RALGPS2: variants seen among roughly 807,000 people sequenced by gnomAD.
RALGPS2 encodes Ral GEF with PH domain and SH3 binding motif 2.
A neutral mutation model predicts 86.8 loss-of-function variants in RALGPS2; 43 were observed. The observed-to-expected ratio is 0.50, with a 90% CI of 0.39 to 0.64. The LOEUF is 0.64. RALGPS2 is among the 30% of genes least tolerant of loss of function. RALGPS2 has a pLI of 0.00. For synonymous variants in RALGPS2, 243 were observed against 231.3 expected, an observed-to-expected ratio of 1.05 and a Z score of -0.46; for missense variants, 536 against 694.6, an observed-to-expected ratio of 0.77 and a Z score of 2.57.
chr1:178,767,883 G>T (rs1434925259), intron 1 of RALGPS2, among the ~76,000 whole-genome samples: 2 of 152,134 alleles, frequency 1.3e-5, no homozygotes, highest in Non-Finnish European at 2.9e-5. Context: ...CTGCCATCTA[G>T]GTGCTTTCTA....
intron 13 of RALGPS2, among the ~76,000 whole-genome samples, chr1:178,888,129 G>A (rs1386998646): frequency 1.3e-5 from 2 of 152,030 alleles, no homozygotes; most frequent in African/African-American, 4.8e-5. Flanking sequence ...CTCTTTTAGA[G>A]CAGATTTTTG....
chr1:178,754,620 CT>C (rs1651858576), intron 1 of RALGPS2, among the ~76,000 whole-genome samples: 1 of 152,208 alleles, frequency 6.6e-6, no homozygotes, highest in Admixed American at 6.5e-5. Flanking sequence ...GGCAATCTGC[CT>C]TACTCAGTCT....
At position 178,877,502 on chromosome 1, in the gene RALGPS2, C is replaced by T. The variant is rs1205705538; in HGVS notation, c.612C>T (p.Ile204=). Residue 204 remains isoleucine, a synonymous_variant, in exon 9 of 20, where the codon ATC becomes ATT. Coordinates refer to ENST00000367635, the MANE Select transcript of RALGPS2 (RefSeq NM_152663.5). ...ATTTATCTAATTGTATTTCAGGTAT[C>T]TATTTGTCAGATTTAACATACATCG... ...KMTPCIPYLG[I]YLSDLTYIDS... The T allele has an allele frequency of 6.2e-7, 1 of 1,613,064 alleles. No individual in the cohort carries two copies. The highest frequency in any genetic ancestry group is 8.5e-7 in the Non-Finnish European group (1 of 1,179,428).
At chr1:178,835,217 T>C (rs1247633640) in intron 8 of RALGPS2, among the ~76,000 whole-genome samples, 3 of 152,170 alleles carry the variant, frequency 2.0e-5, no homozygotes, top group African/African-American at 7.2e-5. Flanking sequence ...ATGAAGAACA[T>C]TAGACTGAGA....
intron 8 of RALGPS2, chr1:178,853,004 A>G: frequency 6.5e-7 from 1 of 1,546,204 alleles, no homozygotes. Flanking sequence ...AGAGATAGTA[A>G]ACATTTTTAC....
chr1:178,875,808 T>A (rs1572440128), intron 8 of RALGPS2, among the ~76,000 whole-genome samples: 1 of 151,156 alleles, frequency 6.6e-6, no homozygotes, highest in Admixed American at 6.6e-5. Context: ...CCAGTAGGGG[T>A]GAATGATAGT....
chr1:178,849,069 T>C (rs1657016444), intron 8 of RALGPS2, among the ~76,000 whole-genome samples: 1 of 152,256 alleles, frequency 6.6e-6, no homozygotes, highest in Non-Finnish European at 1.5e-5. Context: ...AGCATTATTC[T>C]TAATGTTTTA....
At chr1:178,883,201 C>T (rs757187731) in intron 10 of RALGPS2, among the ~76,000 whole-genome samples, 1 of 152,064 alleles carries the variant, frequency 6.6e-6, no homozygotes, top group Middle Eastern at 3.4e-3. Flanking sequence ...TAAAAATTGC[C>T]CTTGGCCAGG....
intron 1 of RALGPS2, among the ~76,000 whole-genome samples, chr1:178,756,962 T>C (rs1462894449): frequency 6.6e-6 from 1 of 152,198 alleles, no homozygotes; most frequent in African/African-American, 2.4e-5. Context: ...TCATATGTGA[T>C]TTCTTTCAGC....
At chr1:178,811,467 A>T in intron 6 of RALGPS2, 63 bp downstream of exon 6, 3 of 1,122,712 alleles carry the variant, frequency 2.7e-6, no homozygotes, top group Non-Finnish European at 3.8e-6. Context: ...TAAGTGAATA[A>T]ATATTCGTGA....
At chr1:178,811,222 C>A (rs2102201784) in intron 5 of RALGPS2, 93 bp from the exon 6 acceptor site, 2 of 834,728 alleles carry the variant, frequency 2.4e-6, no homozygotes, top group Non-Finnish European at 3.6e-6. Context: ...AATTTTAGAG[C>A]TTACCTAATT....
At chr1:178,748,058 T>G (rs1651438295) in intron 1 of RALGPS2, among the ~76,000 whole-genome samples, 1 of 152,184 alleles carries the variant, frequency 6.6e-6, no homozygotes, top group Non-Finnish European at 1.5e-5. Flanking sequence ...AACGTCTCAC[T>G]TCTGTAATCC....
At chr1:178,886,876 C>T (rs935453126) in intron 13 of RALGPS2, among the ~76,000 whole-genome samples, 1 of 151,992 alleles carries the variant, frequency 6.6e-6, no homozygotes, top group African/African-American at 2.4e-5. Context: ...AACAAGAGAG[C>T]TAAGATGAGA....
chr1:178,915,073 A>C (rs1336368388), intron 19 of RALGPS2, among the ~76,000 whole-genome samples: 2 of 152,236 alleles, frequency 1.3e-5, no homozygotes, highest in Non-Finnish European at 2.9e-5. Flanking sequence ...AGACGTGTAT[A>C]AATATTTGTT....
chr1:178,878,260 G>A (rs1659082156), intron 9 of RALGPS2, among the ~76,000 whole-genome samples: 1 of 152,024 alleles, frequency 6.6e-6, no homozygotes, highest in Non-Finnish European at 1.5e-5. Flanking sequence ...AGTTTGATAG[G>A]AAATAAAGTT....
At chr1:178,774,243 C>T (rs2102097889) in intron 1 of RALGPS2, among the ~76,000 whole-genome samples, 1 of 152,080 alleles carries the variant, frequency 6.6e-6, no homozygotes, top group African/African-American at 2.4e-5. Context: ...CCATTGCATG[C>T]CAGCCTGGGC....
chr1:178,910,273 G>T (rs1041108120), intron 19 of RALGPS2, among the ~76,000 whole-genome samples: 5 of 152,186 alleles, frequency 3.3e-5, no homozygotes, highest in Admixed American at 1.3e-4. Context: ...TGATTGCTCT[G>T]GCTGGGACCT....
chr1:178,908,396 T>C (rs958960405), intron 19 of RALGPS2, among the ~76,000 whole-genome samples: 2 of 152,228 alleles, frequency 1.3e-5, no homozygotes, highest in African/African-American at 4.8e-5. Flanking sequence ...GGGATGAACA[T>C]ACATGTGTCT....
At chr1:178,779,810 T>C (rs1053854596) in intron 2 of RALGPS2, among the ~76,000 whole-genome samples, 3 of 152,210 alleles carry the variant, frequency 2.0e-5, no homozygotes, top group Admixed American at 6.5e-5. Context: ...CTGGGCCCAT[T>C]GCAACCTCTG....
Sources: allele counts gnomAD v4.1 joint callset (sites outside exome capture counted in the v4.1 genomes callset), GRCh38; gene constraint gnomAD v4.1.1; transcripts MANE v1.5; gene names NCBI Gene and HGNC (gene_info 2026-07-23, HGNC 2026-07-21).